ELAVL1: variants seen among roughly 807,000 people sequenced by gnomAD.
ELAVL1 encodes ELAV like RNA binding protein 1, also known as ELAV-like protein 1.
ELAVL1 carries 1 observed loss-of-function variant against 28.4 expected under a neutral mutation model. The ratio of observed to expected loss-of-function variants is 0.04; its 90% CI spans 0.01 to 0.17. ELAVL1 has a LOEUF of 0.17. Ranked by LOEUF, ELAVL1 falls within the 10% of genes least tolerant of loss-of-function variation. ELAVL1 has a pLI of 1.00. For missense variants in ELAVL1, 157 were observed against 447.2 expected, an observed-to-expected ratio of 0.35 and a Z score of 5.85; for synonymous variants, 174 against 183.5, an observed-to-expected ratio of 0.95 and a Z score of 0.42.
rs537343937 is a variant in ELAVL1 at position 7,962,527 on chromosome 19, T to C, written c.*956A>G. 7.2e-5 allele frequency: 11 copies of C among 152,620 alleles called. No individual in the cohort carries two copies. In the South Asian group the frequency reaches 1.9e-3, roughly 26 times the overall value. 9.5% of individuals were successfully genotyped at this position (152,620 alleles called of 1,614,324 possible). On this transcript the variant is annotated 3_prime_UTR_variant, in exon 6 of 6. Coordinates refer to ENST00000407627, the MANE Select transcript of ELAVL1 (RefSeq NM_001419.3). ...ATTCCAAAACAAAATCCGACTAAAATAGAAAAAGGTCTAAGCGCTCACGAG... is the reference window on the plus strand; with the variant it reads ...ATTCCAAAACAAAATCCGACTAAAACAGAAAAAGGTCTAAGCGCTCACGAG...
At chr19:8,003,355 C>CAAAAAA (rs71165248) in intron 1 of ELAVL1, among the ~76,000 whole-genome samples, 41 of 60,922 alleles carry the variant, frequency 6.7e-4, no homozygotes, top group East Asian at 2.0e-3. Flanking sequence ...GAAACTGTCT[C>CAAAAAA]AAAAAAAAAA....
intron 1 of ELAVL1, chr19:8,002,210 A>G (rs1475515524): frequency 9.2e-7 from 1 of 1,085,950 alleles, no homozygotes; most frequent in East Asian, 5.9e-5. Context: ...GCTTGGCTGT[A>G]TCCTAAAAAG....
chr19:7,977,907 C>T (rs1399623501), intron 3 of ELAVL1, among the ~76,000 whole-genome samples: 1 of 152,268 alleles, frequency 6.6e-6, no homozygotes, highest in Non-Finnish European at 1.5e-5. Flanking sequence ...GGATGCGGCC[C>T]TTGCCTTGTG....
At chr19:7,978,132 A>C (rs891456518) in intron 3 of ELAVL1, among the ~76,000 whole-genome samples, 9 of 152,236 alleles carry the variant, frequency 5.9e-5, no homozygotes, top group African/African-American at 2.2e-4. Flanking sequence ...AGTGACCCCC[A>C]GCACCTGGCA....
chr19:7,967,832 G>A (rs1255435192), intron 4 of ELAVL1, 42 bp from the exon 5 acceptor site: 8 of 1,590,308 alleles, frequency 5.0e-6, no homozygotes, highest in Admixed American at 3.4e-5. Context: ...GGGGAAAAAC[G>A]CTAGGACTTT....
At chr19:7,964,730 T>G (rs988419611) in intron 5 of ELAVL1, among the ~76,000 whole-genome samples, 6 of 152,100 alleles carry the variant, frequency 3.9e-5, no homozygotes, top group Non-Finnish European at 7.4e-5. Context: ...AAATAAAGCC[T>G]TCTGAAAATG....
At chr19:7,991,897 G>C (rs1365326575) in intron 1 of ELAVL1, 66 bp from the exon 2 acceptor site, 8 of 1,174,276 alleles carry the variant, frequency 6.8e-6, no homozygotes, top group Admixed American at 2.8e-5. Context: ...GGCAAAACTA[G>C]TAACTGCATT....
rs959425720 is a variant in ELAVL1 at position 8,002,673 on chromosome 19, TGGAG to T, written c.-17+2818_-17+2821del. On this transcript the variant is annotated intron_variant, in intron 1 of 5. Transcript: ENST00000407627. The stretch of plus-strand genomic sequence containing the variant: ...AGGGAACAGTTGATTCCGGTGCGGG[TGGAG>T]GAAGAGTGGCAGTCAGACGAGGCTT... 1.6e-4 allele frequency among the ~76,000 whole-genome samples: 24 copies of T among 151,946 alleles called. 1 individual carries two copies. The highest frequency in any genetic ancestry group is 2.9e-5 in the Non-Finnish European group (2 of 67,976).
intron 3 of ELAVL1, among the ~76,000 whole-genome samples, chr19:7,976,067 T>C (rs1359405855): frequency 6.6e-6 from 1 of 150,470 alleles, no homozygotes; most frequent in Admixed American, 6.6e-5. Flanking sequence ...CAGTCCAGCC[T>C]GGGTGACTGA....
chr19:7,971,901 G>A (rs933550005), intron 4 of ELAVL1, among the ~76,000 whole-genome samples: 1 of 152,240 alleles, frequency 6.6e-6, no homozygotes, highest in Non-Finnish European at 1.5e-5. Context: ...GGGGACGCAG[G>A]ACAATGTGCA....
Position 8,002,033 on chromosome 19 carries a change from G to T in ELAVL1, c.-17+3462C>A. 2.3e-6 allele frequency: 3 copies of T among 1,289,258 alleles called. No individual in the cohort carries two copies. In the South Asian group the frequency reaches 3.7e-5, roughly 16 times the overall value. The allele number at this position is 1,289,258 out of a possible 1,614,324, so 79.9% of individuals were successfully genotyped here. A position where few individuals can be genotyped will look rare whatever the true frequency, so the allele number is the denominator to read the frequency against. ...GTGAGCAGTGAACTAAAACTGCTCA[G>T]TAGCCACCCCTGGCCTACCTGCAGG... is the stretch of plus-strand genomic sequence containing the variant. On this transcript the variant is annotated intron_variant, in intron 1 of 5. Coordinates refer to ENST00000407627, the MANE Select transcript of ELAVL1 (RefSeq NM_001419.3).
At chr19:8,003,355 C>CAAAAAAAAAAAAAAAAAAAA (rs71165248) in intron 1 of ELAVL1, among the ~76,000 whole-genome samples, 3 of 61,092 alleles carry the variant, frequency 4.9e-5, no homozygotes, top group Non-Finnish European at 5.4e-5. Context: ...GAAACTGTCT[C>CAAAAAAAAAAAAAAAAAAAA]AAAAAAAAAA....
chr19:7,995,484 G>A (rs1316788893), intron 1 of ELAVL1, among the ~76,000 whole-genome samples: 1 of 152,142 alleles, frequency 6.6e-6, no homozygotes, highest in Non-Finnish European at 1.5e-5. Flanking sequence ...ATCATGGCCT[G>A]TGGTACAAAT....
chr19:7,986,031 T>C lies in ELAVL1; in HGVS notation c.173-4845A>G, dbSNP rs549113218. 5.9e-5 allele frequency among the ~76,000 whole-genome samples: 9 copies of C among 152,348 alleles called. No homozygotes were observed. In the South Asian group the frequency reaches 1.9e-3, roughly 32 times the overall value. Reference sequence around the variant, plus strand: ...TACACCGCCCACACTGGGCAAACACTGGCCAGTGCTCTCGAACTTCCAAAC... The same window carrying C: ...TACACCGCCCACACTGGGCAAACACCGGCCAGTGCTCTCGAACTTCCAAAC... On this transcript the variant is annotated intron_variant, in intron 2 of 5. Coordinates refer to ENST00000407627, the MANE Select transcript of ELAVL1 (RefSeq NM_001419.3).
At chr19:7,971,897 G>A (rs1453135477) in intron 4 of ELAVL1, among the ~76,000 whole-genome samples, 5 of 152,218 alleles carry the variant, frequency 3.3e-5, no homozygotes, top group African/African-American at 1.2e-4. Context: ...CTCAGGGGAC[G>A]CAGGACAATG....
chr19:7,999,447 AT>A (rs2081060127), intron 1 of ELAVL1, among the ~76,000 whole-genome samples: 1 of 152,178 alleles, frequency 6.6e-6, no homozygotes, highest in Non-Finnish European at 1.5e-5. Context: ...CCTCCATGCC[AT>A]TGCTGTAAAC....
At chr19:7,999,298 G>A (rs529043534) in intron 1 of ELAVL1, among the ~76,000 whole-genome samples, 2 of 152,268 alleles carry the variant, frequency 1.3e-5, no homozygotes, top group African/African-American at 2.4e-5. Flanking sequence ...ACTTGAACGC[G>A]GGAGGCAGAG....
rs1984866271 is a variant in ELAVL1 at position 7,963,427 on chromosome 19, G to C, written c.*56C>G. The C allele has an allele frequency of 2.6e-6, 4 of 1,540,784 alleles. No individual in the cohort carries two copies. Among genetic ancestry groups the C allele is most frequent in the East Asian group, 2.3e-5 (1 of 44,174 alleles). On this transcript the variant is annotated 3_prime_UTR_variant, in exon 6 of 6. Transcript: ENST00000407627. This position sits in a 1 kb window ranked among gnomAD's most constrained non-coding sequence, Gnocchi z 4.5. The stretch of plus-strand genomic sequence containing the variant: ...AATGAGTTGTACACTAACAAGAAAA[G>C]TTTCAACTCCTTCACTCTTAATTAT...
rs1162754216 is a variant in ELAVL1 at position 7,981,246 on chromosome 19, G to C, written c.173-60C>G. On this transcript the variant is annotated intron_variant, in intron 2 of 5. Transcript: ENST00000407627. This position sits in a 1 kb window ranked among gnomAD's most constrained non-coding sequence, Gnocchi z 4.2. ...ACCGTCTGCGAGTGAGGGACAGGGA[G>C]GTCGGGAAGCACTATATCTGCCTGG... 52 of 1,555,080 alleles carry C rather than the reference G, an allele frequency of 3.3e-5. No homozygotes were observed. Among genetic ancestry groups the C allele is most frequent in the Non-Finnish European group, 1.3e-5 (15 of 1,126,900 alleles).
Sources: allele counts gnomAD v4.1 joint callset (sites outside exome capture counted in the v4.1 genomes callset), GRCh38; gene constraint gnomAD v4.1.1; non-coding constraint Gnocchi (gnomAD v3.1); transcripts MANE v1.5; gene names NCBI Gene and HGNC (gene_info 2026-07-23, HGNC 2026-07-21).